The following HECTD4 variants were observed in gnomAD, a reference collection of about 807,000 sequenced individuals.
HECTD4 encodes probable E3 ubiquitin-protein ligase HECTD4.
A neutral mutation model predicts 471.5 loss-of-function variants in HECTD4; 114 were observed. That is an observed-to-expected ratio of 0.24 (90% CI 0.21 to 0.28). HECTD4 has a LOEUF of 0.28. Among genes scored for constraint, HECTD4 ranks in the 10% least tolerant of loss-of-function variants. The pLI is 1.00. For missense variants in HECTD4, 3,866 were observed against 5,651.5 expected, an observed-to-expected ratio of 0.68 and a Z score of 10.13; for synonymous variants, 2,012 against 2,256.0, an observed-to-expected ratio of 0.89 and a Z score of 3.07.
chr12:112,224,691 C>G (rs969943434), intron 44 of HECTD4, among the ~76,000 whole-genome samples: 1 of 152,152 alleles, frequency 6.6e-6, no homozygotes, highest in Non-Finnish European at 1.5e-5. Context: ...CTCTTTGTTA[C>G]CACAAAGTGG....
intron 16 of HECTD4, 91 bp downstream of exon 16, chr12:112,265,084 T>G: frequency 8.4e-7 from 1 of 1,188,486 alleles, no homozygotes; most frequent in East Asian, 2.6e-5. Flanking sequence ...TTATTGTAAG[T>G]CTGTATGTAT....
chr12:112,184,145 T>A lies in HECTD4; in HGVS notation c.10779+42A>T. ...TTTAAAGAGGCTTGGGGGATTGAAA[T>A]GGGTCATGATTTAGTGGTTGCAGAG... On this transcript the variant is annotated intron_variant, in intron 61 of 75. Coordinates refer to ENST00000682272, the MANE Select transcript of HECTD4 (RefSeq NM_001388303.1). This position sits in a 1 kb window ranked among gnomAD's most constrained non-coding sequence, Gnocchi z 9.1. 6.6e-7 allele frequency: 1 copy of A among 1,504,524 alleles called. No individual in the cohort carries two copies. The highest frequency in any genetic ancestry group is 9.1e-7 in the Non-Finnish European group (1 of 1,100,380). 93.2% of individuals were successfully genotyped at this position (1,504,524 alleles called of 1,614,324 possible).
At chr12:112,200,125 T>C (rs981173336) in intron 55 of HECTD4, among the ~76,000 whole-genome samples, 3 of 152,080 alleles carry the variant, frequency 2.0e-5, no homozygotes, top group Non-Finnish European at 4.4e-5. Context: ...AGGGTGCATG[T>C]TGCATAAGTC....
At chr12:112,308,370 G>C (rs2035306349) in intron 6 of HECTD4, among the ~76,000 whole-genome samples, 1 of 151,178 alleles carries the variant, frequency 6.6e-6, no homozygotes, top group African/African-American at 2.4e-5. Flanking sequence ...CCCACAGAGA[G>C]GCTGTTTAGA....
At chr12:112,176,512 G>T in intron 65 of HECTD4, 84 bp downstream of exon 65, 1 of 946,170 alleles carries the variant, frequency 1.1e-6, no homozygotes, top group Non-Finnish European at 1.7e-6. Flanking sequence ...GTCAGGAAAA[G>T]CAGAGGCCTG....
intron 1 of HECTD4, among the ~76,000 whole-genome samples, chr12:112,370,088 T>C (rs539104130): frequency 1.3e-5 from 2 of 152,220 alleles, no homozygotes; most frequent in South Asian, 4.2e-4. Context: ...ACAAGGGTGC[T>C]TATAAAAGGG....
chr12:112,208,882 A>C (rs1344593794), intron 50 of HECTD4, among the ~76,000 whole-genome samples: 1 of 150,088 alleles, frequency 6.7e-6, no homozygotes, highest in Non-Finnish European at 1.5e-5. Flanking sequence ...CTATAGATAG[A>C]ACTAAACAGG....
intron 1 of HECTD4, among the ~76,000 whole-genome samples, chr12:112,324,770 C>T (rs2035707095): frequency 6.6e-6 from 1 of 152,030 alleles, no homozygotes; most frequent in South Asian, 2.1e-4. Flanking sequence ...TGAAAAACTG[C>T]AAAATTTTAA....
At chr12:112,345,857 T>C (rs1359259201) in intron 1 of HECTD4, among the ~76,000 whole-genome samples, 2 of 152,184 alleles carry the variant, frequency 1.3e-5, no homozygotes, top group African/African-American at 2.4e-5. Context: ...ATCGTGCCAC[T>C]GCACTCCAGC....
chr12:112,205,390 C>T (rs940659670), intron 52 of HECTD4, among the ~76,000 whole-genome samples: 1 of 152,046 alleles, frequency 6.6e-6, no homozygotes, highest in Non-Finnish European at 1.5e-5. Flanking sequence ...GCTGAGATTG[C>T]ACCATTGCAC....
At chr12:112,359,880 A>T (rs1205066546) in intron 1 of HECTD4, among the ~76,000 whole-genome samples, 2 of 151,970 alleles carry the variant, frequency 1.3e-5, no homozygotes, top group Admixed American at 1.3e-4. Context: ...GCCCAGCCTT[A>T]CTCTACATTT....
At chr12:112,222,982 G>A (rs908941153) in intron 44 of HECTD4, among the ~76,000 whole-genome samples, 13 of 152,338 alleles carry the variant, frequency 8.5e-5, no homozygotes, top group African/African-American at 3.1e-4. Context: ...TATTTTTAAA[G>A]AAGTAGCTGC....
chr12:112,184,734 C>G lies in HECTD4; in HGVS notation c.10232G>C (p.Gly3411Ala), dbSNP rs1187453151. 1 of 1,611,994 alleles carries G rather than the reference C, an allele frequency of 6.2e-7. No individual in the cohort carries two copies. Among genetic ancestry groups the G allele is most frequent in the Non-Finnish European group, 8.5e-7 (1 of 1,178,682 alleles). Residue 3411 changes from glycine to alanine, a missense_variant, in exon 61 of 76, where the codon GGC (glycine) becomes GCC (alanine). Gly to Ala is a moderately conservative substitution (Grantham distance 60). This residue lies in a region of HECTD4 where 71 missense variants were observed against 144.5 expected (regional missense o/e 0.49). Transcript: ENST00000682272. This position sits in a 1 kb window ranked among gnomAD's most constrained non-coding sequence, Gnocchi z 9.1. ...CTTGCGGATGGCGCCTCTGACTACG[C>G]CCTCGTCCAGGTGGGTGGGGATCCC... ...ISGIPTHLDE[G>A]VVRGAIRKAC... is the part of the protein sequence containing the mutation.
In HECTD4 at chr12:112,229,888, TAG is replaced by T; in HGVS notation, c.6337-10_6337-9del. 1 of 1,609,622 alleles carries T rather than the reference TAG, an allele frequency of 6.2e-7. No homozygotes were observed. Among genetic ancestry groups the T allele is most frequent in the Non-Finnish European group, 8.5e-7 (1 of 1,177,308 alleles). On this transcript the variant is annotated splice_polypyrimidine_tract_variant and intron_variant, in intron 40 of 75. Coordinates refer to ENST00000682272, the MANE Select transcript of HECTD4 (RefSeq NM_001388303.1). ...CAGTGCTCTAGACAGAACCTAAATATAGAAGCAGCCCGTGCACTAGGAGTTAA... is the reference window on the plus strand; with the variant it reads ...CAGTGCTCTAGACAGAACCTAAATATAAGCAGCCCGTGCACTAGGAGTTAA...
rs1371882410 is a variant in HECTD4, at chr12:112,184,608, C to T, written c.10358G>A (p.Gly3453Glu). ...CAGTGTCTTCTCGGGCTCAACTTTCCCGTCCCCGCCCTCGGCCTTGTCTTT... is the reference window on the plus strand; with the variant it reads ...CAGTGTCTTCTCGGGCTCAACTTTCTCGTCCCCGCCCTCGGCCTTGTCTTT... ...KPKDKAEGGD[G>E]KVEPEKTLAF... Residue 3453 changes from glycine to glutamate, a missense_variant, in exon 61 of 76, where the codon GGG becomes GAG. By Grantham distance (98) the Gly-to-Glu change is moderately conservative. Transcript: ENST00000682272. The surrounding 1 kb of genome is among the most constrained non-coding windows in gnomAD (Gnocchi z 9.1). 1.2e-6 allele frequency: 2 copies of T among 1,613,878 alleles called. No individual in the cohort carries two copies. The highest frequency in any genetic ancestry group is 1.1e-5 in the South Asian group (1 of 91,082).
chr12:112,171,410 G>A (rs1261666254), intron 67 of HECTD4, 147 bp from the exon 68 acceptor site: 18 of 1,305,602 alleles, frequency 1.4e-5, no homozygotes, highest in Middle Eastern at 2.7e-4. Flanking sequence ...TGAGTGAGCG[G>A]CCCCCAATGT....
intron 7 of HECTD4, among the ~76,000 whole-genome samples, chr12:112,284,232 C>G (rs929646188): frequency 6.6e-6 from 1 of 152,144 alleles, no homozygotes; most frequent in African/African-American, 2.4e-5. Context: ...TCTTTGTTTT[C>G]AAATATTCAC....
intron 4 of HECTD4, among the ~76,000 whole-genome samples, 168 bp from the exon 5 acceptor site, chr12:112,309,837 A>G (rs1015690431): frequency 2.0e-5 from 3 of 152,188 alleles, no homozygotes; most frequent in African/African-American, 4.8e-5. Flanking sequence ...TGAGCCCCCA[A>G]ATCAAACATC....
chr12:112,200,156 T>C (rs183609828), intron 55 of HECTD4, among the ~76,000 whole-genome samples: 3,799 of 118,372 alleles, frequency 0.032, 171 homozygotes, highest in African/African-American at 0.13. Context: ...AGATCCCCCA[T>C]TTTTTTTTTT....
Sources: gnomAD v4.1 joint callset for allele counts (sites outside exome capture counted in the v4.1 genomes callset) on GRCh38, gnomAD v4.1.1 for gene constraint, gnomAD v4.1.1 regional missense constraint, Gnocchi (gnomAD v3.1) non-coding constraint, MANE v1.5 for transcripts, NCBI Gene and HGNC (gene_info 2026-07-23, HGNC 2026-07-21) for gene names.